The following SLC30A9 variants were observed in gnomAD, a reference collection of about 807,000 sequenced individuals.
SLC30A9 encodes the protein proton-coupled zinc antiporter SLC30A9, mitochondrial.
SLC30A9 carries 58 observed loss-of-function variants against 87.5 expected under a neutral mutation model. The observed-to-expected ratio is 0.66, with a 90% CI of 0.54 to 0.82. The LOEUF (loss-of-function observed/expected upper bound fraction) is 0.82. SLC30A9 is among the 40% of genes least tolerant of loss of function. SLC30A9 has a pLI of 0.00. For synonymous variants in SLC30A9, 234 were observed against 233.0 expected (o/e 1.00, Z -0.04); for missense variants, 557 against 679.1 (o/e 0.82, Z 2.00).
intron 2 of SLC30A9, among the ~76,000 whole-genome samples, chr4:42,003,288 G>A (rs1452979455): frequency 1.3e-5 from 2 of 152,162 alleles, no homozygotes; most frequent in African/African-American, 2.4e-5. Context: ...AAAATAATGT[G>A]TATTTTTAAT....
At chr4:42,029,460 G>C in intron 6 of SLC30A9, 1 of 653,066 alleles carries the variant, frequency 1.5e-6, no homozygotes, top group Non-Finnish European at 2.9e-6. Context: ...AGATTTCTCA[G>C]ATCCAGCAGA....
chr4:42,007,165 G>T (rs1013380441), intron 2 of SLC30A9, among the ~76,000 whole-genome samples: 13 of 152,100 alleles, frequency 8.5e-5, no homozygotes, highest in Non-Finnish European at 8.8e-5. Context: ...AGGAGTAGAT[G>T]ACCTTAAGAG....
intron 1 of SLC30A9, among the ~76,000 whole-genome samples, chr4:41,994,707 G>A (rs1457422751): frequency 1.3e-5 from 2 of 150,734 alleles, no homozygotes; most frequent in African/African-American, 2.4e-5. Context: ...GGCCAACATC[G>A]TGAAACCTCA....
chr4:42,080,146 G>A lies in SLC30A9; in HGVS notation c.1662+1821G>A, dbSNP rs555594655. On this transcript the variant is annotated intron_variant, in intron 17 of 17. Transcript: ENST00000264451. ...GAGATAATTGTGATACTCTCTTTTG[G>A]TGTTATAACAGCTGGTAGAAACCAA... 2.6e-5 allele frequency among the ~76,000 whole-genome samples: 4 copies of A among 152,234 alleles called. No homozygotes were observed. The South Asian group carries it at 8.3e-4, about 32-fold the overall frequency.
At chr4:42,057,245 GC>G (rs1431317315) in intron 9 of SLC30A9, among the ~76,000 whole-genome samples, 2 of 152,120 alleles carry the variant, frequency 1.3e-5, no homozygotes, top group Admixed American at 1.3e-4. Context: ...CTGTGTGGGG[GC>G]TCCCACCCCA....
intron 2 of SLC30A9, among the ~76,000 whole-genome samples, chr4:42,011,568 GAGGAGAATGAAAGGATA>G (rs1438598362): frequency 4.6e-5 from 7 of 152,180 alleles, no homozygotes; most frequent in Non-Finnish European, 2.9e-5. Context: ...AGAATGTGAA[GAGGAGAATGAAAGGATA>G]TACCCTATTC....
chr4:41,995,255 C>T (rs1016702801), intron 1 of SLC30A9, among the ~76,000 whole-genome samples: 7 of 151,998 alleles, frequency 4.6e-5, no homozygotes, highest in African/African-American at 9.7e-5. Flanking sequence ...AGCAAAACTC[C>T]GTCCCCCCAC....
chr4:42,069,199 C>T (rs1245249092), intron 14 of SLC30A9, among the ~76,000 whole-genome samples: 1 of 152,150 alleles, frequency 6.6e-6, no homozygotes, highest in African/African-American at 2.4e-5. Context: ...CAGATGTCAA[C>T]TTTGAATAAT....
At chr4:41,998,546 C>T (rs1034272151) in intron 1 of SLC30A9, among the ~76,000 whole-genome samples, 1 of 151,610 alleles carries the variant, frequency 6.6e-6, no homozygotes, top group Non-Finnish European at 1.5e-5. Context: ...TCACTGCAAC[C>T]TCCGCCTCCC....
At position 42,022,859 on chromosome 4, in the gene SLC30A9, A is replaced by T; in HGVS notation, c.456A>T (p.Lys152Asn). The T allele has an allele frequency of 6.2e-7, 1 of 1,600,160 alleles. No homozygotes were observed. Among genetic ancestry groups the T allele is most frequent in the Non-Finnish European group, 8.5e-7 (1 of 1,171,914 alleles). ...CTAGTGATCTAGAACAACTTCGAAA[A>T]ATCAGACGACGAAGTCCCCATGAAG... ...LKSSDLEQLRKIRRRSPHEDT... is the reference protein window; with the variant it reads ...LKSSDLEQLRNIRRRSPHEDT... The change falls in exon 5 of 18, where the codon AAA (lysine) becomes AAT (asparagine). Residue 152 changes from lysine to asparagine, a missense_variant. Physicochemically the swap from Lys to Asn is moderately conservative, Grantham distance 94. Coordinates refer to ENST00000264451, the MANE Select transcript of SLC30A9 (RefSeq NM_006345.4).
chr4:41,992,853 C>T (rs1714512798), intron 1 of SLC30A9, among the ~76,000 whole-genome samples: 1 of 152,006 alleles, frequency 6.6e-6, no homozygotes, highest in Non-Finnish European at 1.5e-5. Context: ...TGTGAGAAGA[C>T]TATTTGAAGA....
intron 9 of SLC30A9, among the ~76,000 whole-genome samples, chr4:42,053,603 C>T (rs563619067): frequency 1.2e-4 from 17 of 142,746 alleles, no homozygotes; most frequent in African/African-American, 3.7e-4. Flanking sequence ...GCAGGAGAAT[C>T]GCTTGAACCC....
intron 15 of SLC30A9, among the ~76,000 whole-genome samples, chr4:42,075,437 TA>T (rs376262011): frequency 1.2e-4 from 18 of 152,052 alleles, no homozygotes; most frequent in African/African-American, 4.1e-4. Flanking sequence ...TAATATTTGT[TA>T]AGTTTGCACC....
chr4:42,044,158 G>C (rs1277674378), intron 8 of SLC30A9, among the ~76,000 whole-genome samples: 1 of 152,054 alleles, frequency 6.6e-6, no homozygotes, highest in Non-Finnish European at 1.5e-5. Context: ...CAACTAATGA[G>C]CAAAATAACC....
At chr4:42,070,503 A>AT (rs764938071) in intron 14 of SLC30A9, 23 bp from the exon 15 acceptor site, 5 of 1,591,728 alleles carry the variant, frequency 3.1e-6, no homozygotes, top group Non-Finnish European at 4.3e-6. Flanking sequence ...TAATTTACTG[A>AT]TTTTTTTATG....
At chr4:42,065,380 C>G (rs1224282415) in intron 12 of SLC30A9, 31 bp downstream of exon 12, 10 of 1,129,240 alleles carry the variant, frequency 8.9e-6, no homozygotes, top group Non-Finnish European at 1.3e-5. Context: ...TGTCTCTATT[C>G]TTAATTTAGT....
chr4:42,001,341 C>T (rs1714975157), intron 1 of SLC30A9, among the ~76,000 whole-genome samples: 1 of 151,898 alleles, frequency 6.6e-6, no homozygotes, highest in Admixed American at 6.6e-5. Context: ...AGCTTGCAAC[C>T]AACATGCAAA....
rs1313367279 is a variant in SLC30A9, at chr4:41,990,636, C to T, written c.-16C>T. 6 of 1,535,812 alleles carry T rather than the reference C, an allele frequency of 3.9e-6. No homozygotes were observed. Among genetic ancestry groups the T allele is most frequent in the Middle Eastern group, 1.7e-4 (1 of 5,808 alleles). On this transcript the variant is annotated 5_prime_UTR_variant, in exon 1 of 18. Coordinates refer to ENST00000264451, the MANE Select transcript of SLC30A9 (RefSeq NM_006345.4). ...GCAGAAGGCGGTGTCCGAGTAGGGG[C>T]CTCTGCCCCACCAGGATGTTACCCG...
chr4:42,013,727 A>T (rs1256536458), intron 2 of SLC30A9, among the ~76,000 whole-genome samples: 1 of 152,188 alleles, frequency 6.6e-6, no homozygotes, highest in Non-Finnish European at 1.5e-5. Flanking sequence ...TTCTCTCGCC[A>T]TTTACAAAAA....
Sources: gnomAD v4.1 joint callset for allele counts (sites outside exome capture counted in the v4.1 genomes callset) on GRCh38, gnomAD v4.1.1 for gene constraint, MANE v1.5 for transcripts, NCBI Gene and HGNC (gene_info 2026-07-23, HGNC 2026-07-21) for gene names.